SLC22A15: variants seen among roughly 807,000 people sequenced by gnomAD.
The protein encoded by SLC22A15 is solute carrier family 22 member 15, also known as flipt 1.
Under a neutral mutation model 62.7 loss-of-function variants are expected in SLC22A15, and 45 were observed. The ratio of observed to expected loss-of-function variants is 0.72; its 90% CI spans 0.56 to 0.92. The LOEUF (loss-of-function observed/expected upper bound fraction) is 0.92, where lower values mean the gene tolerates loss of function less well. Ranked by LOEUF, SLC22A15 falls within the 40% of genes least tolerant of loss-of-function variation. The pLI is 0.00. For synonymous variants in SLC22A15, 264 were observed against 267.0 expected, an observed-to-expected ratio of 0.99 and a Z score of 0.11; for missense variants, 622 against 665.6, an observed-to-expected ratio of 0.93 and a Z score of 0.72.
chr1:116,061,935 G>A (rs377465127), intron 8 of SLC22A15, among the ~76,000 whole-genome samples: 20 of 152,214 alleles, frequency 1.3e-4, no homozygotes, highest in Admixed American at 6.5e-4. Context: ...TCGGCTGGGC[G>A]TGGTGGCTCA....
At chr1:116,039,328 T>A (rs1327972229) in intron 8 of SLC22A15, among the ~76,000 whole-genome samples, 1 of 151,976 alleles carries the variant, frequency 6.6e-6, no homozygotes, top group Non-Finnish European at 1.5e-5. Flanking sequence ...AGGTCAGGAG[T>A]TCGAGACCAG....
intron 8 of SLC22A15, among the ~76,000 whole-genome samples, chr1:116,044,849 A>T (rs1370731007): frequency 1.3e-5 from 2 of 152,180 alleles, no homozygotes; most frequent in Non-Finnish European, 2.9e-5. Context: ...TAAAATGCTG[A>T]TGAGAAAAAT....
At chr1:115,991,730 C>CCATATAAG (rs979709398) in intron 1 of SLC22A15, among the ~76,000 whole-genome samples, 2 of 152,116 alleles carry the variant, frequency 1.3e-5, no homozygotes, top group East Asian at 1.9e-4. Flanking sequence ...TACTTTTGAA[C>CCATATAAG]CATATAAGCA....
At position 116,031,447 on chromosome 1, in the gene SLC22A15, G is replaced by A; in HGVS notation, c.810G>A (p.Lys270=). The A allele has an allele frequency of 6.2e-7, 1 of 1,613,940 alleles. No homozygotes were observed. Among genetic ancestry groups the A allele is most frequent in the South Asian group, 1.1e-5 (1 of 91,086 alleles). The stretch of plus-strand genomic sequence containing the variant: ...AAGAGGCGCTGTACCTCATTGCCAA[G>A]AGGAACCGCAAACTCAAGTGCACGT... ...EAEEALYLIA[K]RNRKLKCTFS... is the part of the protein sequence containing the mutation. The change falls in exon 6 of 12, where the codon AAG becomes AAA. Residue 270 remains lysine (K), a synonymous_variant. Coordinates refer to ENST00000369503, the MANE Select transcript of SLC22A15 (RefSeq NM_018420.3).
chr1:116,051,967 C>T (rs1658065886), intron 8 of SLC22A15, among the ~76,000 whole-genome samples: 1 of 152,218 alleles, frequency 6.6e-6, no homozygotes, highest in African/African-American at 2.4e-5. Flanking sequence ...CAGCTCCCAG[C>T]GTGAGCGACG....
Position 115,980,184 on chromosome 1 carries a change from A to G in SLC22A15, c.87+3470A>G, listed in dbSNP as rs1281691. Among the ~76,000 whole-genome samples, 4 of 152,042 alleles carry G rather than the reference A, an allele frequency of 2.6e-5. No homozygotes were observed. The East Asian group carries it at 7.7e-4, about 29-fold the overall frequency. On this transcript the variant is annotated intron_variant, in intron 1 of 11. Coordinates refer to ENST00000369503, the MANE Select transcript of SLC22A15 (RefSeq NM_018420.3). ...ATCTGGGACAGGCATATTAAAATGG[A>G]TATGAAATACCATTTCACACTTGCT...
intron 1 of SLC22A15, among the ~76,000 whole-genome samples, chr1:115,978,552 C>T (rs1018054997): frequency 6.6e-6 from 1 of 152,084 alleles, no homozygotes; most frequent in South Asian, 2.1e-4. Flanking sequence ...TGTGCTTATA[C>T]CAGTGGAGGA....
intron 8 of SLC22A15, among the ~76,000 whole-genome samples, chr1:116,055,639 T>G (rs202105251): frequency 6.6e-6 from 1 of 151,260 alleles, no homozygotes; most frequent in African/African-American, 2.4e-5. Context: ...TGATGAACAT[T>G]GATGCAAAAA....
chr1:116,067,099 G>A lies in SLC22A15; in HGVS notation c.1635G>A (p.Met545Ile). 1 of 1,610,760 alleles carries A rather than the reference G, an allele frequency of 6.2e-7. No individual in the cohort carries two copies. The highest frequency in any genetic ancestry group is 8.5e-7 in the Non-Finnish European group (1 of 1,178,528). ...ATGATGCAGATGAAGAGACTCAGAT[G>A]ATCAAGTGAAGAGCCCCAGATTCCC... Reference protein sequence around the residue: ...EFYDADEETQMIK With the variant: ...EFYDADEETQIIK Residue 545 changes from methionine to isoleucine, a missense_variant, in exon 12 of 12, where the codon ATG becomes ATA. By Grantham distance (10) the Met-to-Ile change is conservative. Coordinates refer to ENST00000369503, the MANE Select transcript of SLC22A15 (RefSeq NM_018420.3).
At chr1:116,019,069 T>A (rs1312361542) in intron 2 of SLC22A15, among the ~76,000 whole-genome samples, 1 of 152,242 alleles carries the variant, frequency 6.6e-6, no homozygotes, top group African/African-American at 2.4e-5. Context: ...CTGCTTTTAG[T>A]TCTTTTGGGT....
At chr1:116,025,955 T>C (rs1657064365) in intron 4 of SLC22A15, among the ~76,000 whole-genome samples, 1 of 152,208 alleles carries the variant, frequency 6.6e-6, no homozygotes, top group South Asian at 2.1e-4. Flanking sequence ...TACAATTCCA[T>C]GGTTGATATT....
At chr1:116,001,961 T>A (rs573948494) in intron 2 of SLC22A15, among the ~76,000 whole-genome samples, 2 of 152,304 alleles carry the variant, frequency 1.3e-5, no homozygotes, top group African/African-American at 4.8e-5. Context: ...TGGGCTTGTT[T>A]GTACTTGTCT....
rs1055236717 is a variant in SLC22A15, at chr1:116,020,863, C to T, written c.576C>T (p.Gly192=). 25 of 1,612,128 alleles carry T rather than the reference C, an allele frequency of 1.6e-5. No individual in the cohort carries two copies. The highest frequency in any genetic ancestry group is 2.0e-5 in the Non-Finnish European group (23 of 1,178,908). The change falls in exon 4 of 12, where the codon GGC becomes GGT. Residue 192 remains glycine, a synonymous_variant. Transcript: ENST00000369503. ...VAFVLLNECV[G]TAYWALAGSI... is the part of the protein sequence containing the mutation. ...TTGTCTTGCTTAATGAATGTGTGGG[C>T]ACCGCCTACTGGGCACTTGCAGGTA... is the stretch of plus-strand genomic sequence containing the variant.
At chr1:116,032,738 G>A in intron 6 of SLC22A15, 3 of 662,210 alleles carry the variant, frequency 4.5e-6, no homozygotes, top group Non-Finnish European at 5.6e-6. Flanking sequence ...AGCCAAACCT[G>A]ACAACACAAC....
intron 8 of SLC22A15, among the ~76,000 whole-genome samples, chr1:116,053,087 T>C (rs7540316): frequency 0.97 from 147,241 of 152,324 alleles, 71,374 homozygotes; most frequent in East Asian, 1. Context: ...GAGAAGGCTT[T>C]AGACGATCAA....
Position 116,064,459 on chromosome 1 carries a change from C to T in SLC22A15, c.1316C>T (p.Ser439Phe), listed in dbSNP as rs1658451197. 1 of 1,613,272 alleles carries T rather than the reference C, an allele frequency of 6.2e-7. No homozygotes were observed. The highest frequency in any genetic ancestry group is 1.1e-5 in the South Asian group (1 of 91,048). The change falls in exon 10 of 12, where the codon TCC becomes TTC. Residue 439 changes from serine to phenylalanine, a missense_variant. Ser to Phe is a radical substitution (Grantham distance 155). Transcript: ENST00000369503. ...VIRNVGLGTC[S>F]MFSRVGGIIA... ...AGGAATGTTGGGCTTGGAACTTGTT[C>T]CATGTTCTCCCGAGTTGGTGGGATT...
Position 116,066,639 on chromosome 1 carries a change from C to T in SLC22A15, c.1485C>T (p.Asp495=). The T allele has an allele frequency of 6.2e-7, 1 of 1,612,554 alleles. No homozygotes were observed. Among genetic ancestry groups the T allele is most frequent in the Non-Finnish European group, 8.5e-7 (1 of 1,179,436 alleles). ...LNSPLLETFS[D]LQVYSYRRLG... is the part of the protein sequence containing the mutation. ...GTCCGCTGCTAGAAACATTCTCCGA[C>T]CTTCAGGTGTATTCGTATCGCAGGC... is the stretch of plus-strand genomic sequence containing the variant. The change falls in exon 11 of 12, where the codon GAC becomes GAT. Residue 495 remains aspartate (D), a synonymous_variant. Coordinates refer to ENST00000369503, the MANE Select transcript of SLC22A15 (RefSeq NM_018420.3).
At chr1:116,000,179 T>G (rs1213094060) in intron 2 of SLC22A15, among the ~76,000 whole-genome samples, 1 of 152,230 alleles carries the variant, frequency 6.6e-6, no homozygotes, top group Non-Finnish European at 1.5e-5. Context: ...GGTTTTCTCT[T>G]CCTTTTTTCT....
intron 5 of SLC22A15, among the ~76,000 whole-genome samples, chr1:116,029,219 A>G (rs1047433139): frequency 6.6e-6 from 1 of 152,242 alleles, no homozygotes; most frequent in African/African-American, 2.4e-5. Flanking sequence ...TTTGTTTACC[A>G]GAAACATTTT....
Sources: gnomAD v4.1 joint callset for allele counts (sites outside exome capture counted in the v4.1 genomes callset) on GRCh38, gnomAD v4.1.1 for gene constraint, MANE v1.5 for transcripts, NCBI Gene and HGNC (gene_info 2026-07-23, HGNC 2026-07-21) for gene names.